The following RASGRP2 variants were observed in gnomAD, a reference collection of about 807,000 sequenced individuals.
RASGRP2 encodes the protein RAS guanyl releasing protein 2.
RASGRP2 carries 44 observed loss-of-function variants against 71.0 expected under a neutral mutation model. The observed-to-expected ratio is 0.62, with a 90% CI of 0.49 to 0.80. The LOEUF (loss-of-function observed/expected upper bound fraction) is 0.80. RASGRP2 is among the 30% of genes least tolerant of loss of function. The pLI, the probability that RASGRP2 is intolerant of heterozygous loss-of-function variation, is 0.00. For missense variants in RASGRP2, 663 were observed against 813.4 expected, an observed-to-expected ratio of 0.82 and a Z score of 2.25; for synonymous variants, 350 against 330.7, an observed-to-expected ratio of 1.06 and a Z score of -0.63.
At chr11:64,731,607 G>C (rs1458685318) in intron 12 of RASGRP2, among the ~76,000 whole-genome samples, 1 of 152,038 alleles carries the variant, frequency 6.6e-6, no homozygotes, top group Non-Finnish European at 1.5e-5. Context: ...ATGAGAAAAA[G>C]ACCAACAAAC....
Position 64,742,174 on chromosome 11 carries a change from T to G in RASGRP2, c.74-62A>C. ...GGTCCGCAGCTACCATGCCTCATCC[T>G]CACCCCGCAACCCGCCAGGTATCGG... On this transcript the variant is annotated intron_variant, in intron 2 of 16. Transcript: ENST00000394432. This position sits in a 1 kb window ranked among gnomAD's most constrained non-coding sequence, Gnocchi z 4.7. The G allele has an allele frequency of 1.5e-6, 2 of 1,320,772 alleles. No individual in the cohort carries two copies. Among genetic ancestry groups the G allele is most frequent in the Non-Finnish European group, 2.1e-6 (2 of 937,260 alleles). The allele number at this position is 1,320,772 out of a possible 1,614,324, so 81.8% of individuals were successfully genotyped here. A position where few individuals can be genotyped will look rare whatever the true frequency, so the allele number is the denominator to read the frequency against.
At chr11:64,738,715 A>G (rs563561763) in intron 8 of RASGRP2, among the ~76,000 whole-genome samples, 113 of 152,258 alleles carry the variant, frequency 7.4e-4, no homozygotes, top group Non-Finnish European at 1.3e-3. Context: ...CTGGGATTAC[A>G]GGTGTGAGCT....
In RASGRP2 at chr11:64,739,480, G is replaced by T; in HGVS notation, c.697-4C>A. ...AGTTCTGCAGCTGTAGCAGCTTCTG[G>T]AAGGCAAATGGGGACGGAGAGGCAG... On this transcript the variant is annotated splice_region_variant and splice_polypyrimidine_tract_variant and intron_variant, in intron 7 of 16. Transcript: ENST00000394432. The surrounding 1 kb of genome is among the most constrained non-coding windows in gnomAD (Gnocchi z 4.2). The T allele has an allele frequency of 6.2e-7, 1 of 1,613,974 alleles. No individual in the cohort carries two copies. The highest frequency in any genetic ancestry group is 8.5e-7 in the Non-Finnish European group (1 of 1,179,864).
chr11:64,735,391 A>AC lies in RASGRP2; in HGVS notation c.1296+150dup. 7.1e-7 allele frequency: 1 copy of AC among 1,404,096 alleles called. No homozygotes were observed. The highest frequency in any genetic ancestry group is 1.2e-5 in the South Asian group (1 of 86,196). 87.0% of individuals were successfully genotyped at this position (1,404,096 alleles called of 1,614,324 possible). On this transcript the variant is annotated intron_variant, in intron 11 of 16. Transcript: ENST00000394432. The surrounding 1 kb of genome is among the most constrained non-coding windows in gnomAD (Gnocchi z 4.2). ...CTCCACCCCCACCCTACCCAGGGGC[A>AC]CTTCAGCCCCGTGCAGCTGGCCTGC...
rs545917651 is a variant in RASGRP2 at position 64,743,366 on chromosome 11, G to A, written c.-71-429C>T. On this transcript the variant is annotated intron_variant, in intron 1 of 16. Transcript: ENST00000394432. This position sits in a 1 kb window ranked among gnomAD's most constrained non-coding sequence, Gnocchi z 4.9. ...ATTTTGGGAACCCAGAGCCTGAGGG[G>A]ACCTCGGAGGAATTTCTCCCTGGTA... 1.5e-5 allele frequency: 6 copies of A among 398,446 alleles called. No individual in the cohort carries two copies. The East Asian group carries it at 4.4e-4, about 30-fold the overall frequency. 24.7% of individuals were successfully genotyped at this position (398,446 alleles called of 1,614,324 possible).
rs1042904142 is a variant in RASGRP2 at position 64,738,341 on chromosome 11, C to T, written c.813+1019G>A. Among the ~76,000 whole-genome samples, 4 of 152,048 alleles carry T rather than the reference C, an allele frequency of 2.6e-5. 1 individual carries two copies. Among genetic ancestry groups the T allele is most frequent in the Non-Finnish European group, 4.4e-5 (3 of 68,010 alleles). On this transcript the variant is annotated intron_variant, in intron 8 of 16. Coordinates refer to ENST00000394432, the MANE Select transcript of RASGRP2 (RefSeq NM_001098671.2). ...GGGAGTTATGCTCTAAAGTGCTGGGCGCTTGGGGGCCTGGCAAGGTTCTAT... is the reference window on the plus strand; with the variant it reads ...GGGAGTTATGCTCTAAAGTGCTGGGTGCTTGGGGGCCTGGCAAGGTTCTAT...
intron 16 of RASGRP2, 49 bp downstream of exon 16, chr11:64,727,247 C>T (rs563017028): frequency 1.9e-6 from 3 of 1,545,288 alleles, no homozygotes; most frequent in African/African-American, 2.7e-5. Context: ...CCCCAGCTCC[C>T]CCCCAGCCCT....
Position 64,735,011 on chromosome 11 carries a change from C to A in RASGRP2, c.1412+101G>T. 1.0e-6 allele frequency: 1 copy of A among 959,794 alleles called. No homozygotes were observed. The highest frequency in any genetic ancestry group is 1.7e-6 in the Non-Finnish European group (1 of 591,994). 59.5% of individuals were successfully genotyped at this position (959,794 alleles called of 1,614,324 possible). On this transcript the variant is annotated intron_variant, in intron 12 of 16. Transcript: ENST00000394432. This position sits in a 1 kb window ranked among gnomAD's most constrained non-coding sequence, Gnocchi z 4.2. ...CACTGGCAGCTTCCCAGGCCAAGATCATCTGGCTCAGTGACCTCATCTTGC... is the reference window on the plus strand; with the variant it reads ...CACTGGCAGCTTCCCAGGCCAAGATAATCTGGCTCAGTGACCTCATCTTGC...
chr11:64,741,601 G>A (rs904588085), intron 3 of RASGRP2, 100 bp from the exon 4 acceptor site: 2 of 1,070,484 alleles, frequency 1.9e-6, no homozygotes, highest in East Asian at 5.2e-5. Context: ...ACGTTCTAGG[G>A]ATGGGGCTTG....
chr11:64,743,789 C>A lies in RASGRP2; in HGVS notation c.-72+214G>T, dbSNP rs1462689089. 1 of 239,288 alleles carries A rather than the reference C, an allele frequency of 4.2e-6. No homozygotes were observed. Among genetic ancestry groups the A allele is most frequent in the East Asian group, 1.8e-4 (1 of 5,550 alleles). 14.8% of individuals were successfully genotyped at this position (239,288 alleles called of 1,614,324 possible). ...GGTGGGTGCATGACACCATTAGCAA[C>A]TCCGGTCACTGGCGGGGTCATACGC... On this transcript the variant is annotated intron_variant, in intron 1 of 16. Coordinates refer to ENST00000394432, the MANE Select transcript of RASGRP2 (RefSeq NM_001098671.2). This position sits in a 1 kb window ranked among gnomAD's most constrained non-coding sequence, Gnocchi z 4.9.
intron 14 of RASGRP2, among the ~76,000 whole-genome samples, chr11:64,729,344 GT>G (rs112743015): frequency 1.4e-5 from 2 of 146,422 alleles, no homozygotes; most frequent in African/African-American, 2.5e-5. Context: ...TTTTTTTGTT[GT>G]TTTTTTTTTT....
chr11:64,729,123 T>TA, intron 14 of RASGRP2, 81 bp from the exon 15 acceptor site: 1 of 1,397,486 alleles, frequency 7.2e-7, no homozygotes, highest in Non-Finnish European at 9.8e-7. Context: ...TGTGCCCCCC[T>TA]ACCAGGAACC....
chr11:64,729,771 T>G lies in RASGRP2; in HGVS notation c.1582A>C (p.Lys528Gln). The change falls in exon 14 of 17, where the codon AAA (lysine) becomes CAA (glutamine). Residue 528 changes from lysine (K) to glutamine (Q), a missense_variant. Transcript: ENST00000394432. ...LILGIYKQGL[K>Q]CRACGVNCHK... ...AGTCATTCCATCTCACCTCGGCATT[T>G]GAGGCCCTGCTTGTAGATGCCCAGG... The G allele has an allele frequency of 6.2e-7, 1 of 1,614,036 alleles. No individual in the cohort carries two copies. Among genetic ancestry groups the G allele is most frequent in the East Asian group, 2.2e-5 (1 of 44,870 alleles).
rs369856177 is a variant in RASGRP2, at chr11:64,735,530, G to A, written c.1296+12C>T. 1.8e-5 allele frequency: 29 copies of A among 1,613,712 alleles called. No individual in the cohort carries two copies. Among genetic ancestry groups the A allele is most frequent in the Non-Finnish European group, 2.2e-5 (26 of 1,180,022 alleles). On this transcript the variant is annotated intron_variant, in intron 11 of 16. Transcript: ENST00000394432. The surrounding 1 kb of genome is among the most constrained non-coding windows in gnomAD (Gnocchi z 4.2). ...TCTCCCCACACACTGCTCAGGCTCCGCAGGAGCTCACCTCCACCATCTTCT... is the reference window on the plus strand; with the variant it reads ...TCTCCCCACACACTGCTCAGGCTCCACAGGAGCTCACCTCCACCATCTTCT...
At position 64,743,351 on chromosome 11, in the gene RASGRP2, C is replaced by T. The variant is rs1158417116; in HGVS notation, c.-71-414G>A. 2.4e-6 allele frequency: 1 copy of T among 424,448 alleles called. No individual in the cohort carries two copies. The highest frequency in any genetic ancestry group is 4.7e-6 in the Non-Finnish European group (1 of 213,144). 26.3% of individuals were successfully genotyped at this position (424,448 alleles called of 1,614,324 possible). ...TTCCCCCGCAGGGTTATTTTGGGAA[C>T]CCAGAGCCTGAGGGGACCTCGGAGG... On this transcript the variant is annotated intron_variant, in intron 1 of 16. Coordinates refer to ENST00000394432, the MANE Select transcript of RASGRP2 (RefSeq NM_001098671.2). The surrounding 1 kb of genome is among the most constrained non-coding windows in gnomAD (Gnocchi z 4.9).
intron 9 of RASGRP2, 115 bp from the exon 10 acceptor site, chr11:64,736,095 A>C (rs532207427): frequency 1.2e-6 from 1 of 813,590 alleles, no homozygotes; most frequent in Admixed American, 2.0e-5. Context: ...CAGAAGCTAG[A>C]CTCAGGACAA....
rs1348169938 is a variant in RASGRP2, at chr11:64,743,668, C to T, written c.-72+335G>A. ...TCCACAGGCCCTCTTCCTCCCTATCCCCGGCTCCTGACCCTGGCCCCGGCC... is the reference window on the plus strand; with the variant it reads ...TCCACAGGCCCTCTTCCTCCCTATCTCCGGCTCCTGACCCTGGCCCCGGCC... On this transcript the variant is annotated intron_variant, in intron 1 of 16. Transcript: ENST00000394432. The surrounding 1 kb of genome is among the most constrained non-coding windows in gnomAD (Gnocchi z 4.9). The T allele has an allele frequency of 4.8e-6, 2 of 414,258 alleles. No homozygotes were observed. The highest frequency in any genetic ancestry group is 4.8e-6 in the Non-Finnish European group (1 of 208,704). 25.7% of individuals were successfully genotyped at this position (414,258 alleles called of 1,614,324 possible). A position where few individuals can be genotyped will look rare whatever the true frequency, so the allele number is the denominator to read the frequency against.
chr11:64,739,842 C>A lies in RASGRP2; in HGVS notation c.523-33G>T. ...CATGAGGAGTGGCCTCAGCACCTTG[C>A]TGGCCTCTCCCCTCACTGATAGCCA... On this transcript the variant is annotated intron_variant, in intron 6 of 16. Coordinates refer to ENST00000394432, the MANE Select transcript of RASGRP2 (RefSeq NM_001098671.2). This position sits in a 1 kb window ranked among gnomAD's most constrained non-coding sequence, Gnocchi z 4.2. The A allele has an allele frequency of 6.2e-7, 1 of 1,612,616 alleles. No individual in the cohort carries two copies. The highest frequency in any genetic ancestry group is 8.5e-7 in the Non-Finnish European group (1 of 1,179,588).
chr11:64,742,486 G>A lies in RASGRP2; in HGVS notation c.73+308C>T. 3.5e-6 allele frequency: 2 copies of A among 571,564 alleles called. No homozygotes were observed. The highest frequency in any genetic ancestry group is 6.3e-6 in the Non-Finnish European group (2 of 318,944). The allele number at this position is 571,564 out of a possible 1,614,324, so 35.4% of individuals were successfully genotyped here. On this transcript the variant is annotated intron_variant, in intron 2 of 16. Transcript: ENST00000394432. This position sits in a 1 kb window ranked among gnomAD's most constrained non-coding sequence, Gnocchi z 4.7. ...CCCCATTAGCCGGAAACAGCTCCCA[G>A]GCCGGAGATAGCGAGTTCCTCCGGA...
Sources: gnomAD v4.1 joint callset for allele counts (sites outside exome capture counted in the v4.1 genomes callset) on GRCh38, gnomAD v4.1.1 for gene constraint, Gnocchi (gnomAD v3.1) non-coding constraint, MANE v1.5 for transcripts, NCBI Gene and HGNC (gene_info 2026-07-23, HGNC 2026-07-21) for gene names.